The following SH3GL3 variants were observed in gnomAD, a reference collection of about 807,000 sequenced individuals.
The protein encoded by SH3GL3 is endophilin-A3.
SH3GL3 carries 33 observed loss-of-function variants against 47.7 expected under a neutral mutation model. The ratio of observed to expected loss-of-function variants is 0.69; its 90% confidence interval spans 0.52 to 0.92. The LOEUF is 0.92. SH3GL3 is among the 40% of genes least tolerant of loss of function. The probability of loss-of-function intolerance (pLI) is 0.00; values close to 1 mark genes in which losing one functional copy is unlikely to be tolerated. For synonymous variants in SH3GL3, 155 were observed against 148.8 expected (o/e 1.04, Z -0.30); for missense variants, 363 against 417.8 (o/e 0.87, Z 1.14).
chr15:83,614,687 C>T (rs953461597), intron 8 of SH3GL3, among the ~76,000 whole-genome samples: 18 of 152,184 alleles, frequency 1.2e-4, no homozygotes, highest in African/African-American at 4.3e-4. Context: ...AGGAAGGCAA[C>T]AGGAAGCCAC....
chr15:83,473,319 G>A (rs935786707), intron 1 of SH3GL3, among the ~76,000 whole-genome samples: 3 of 152,016 alleles, frequency 2.0e-5, no homozygotes, highest in Non-Finnish European at 4.4e-5. Context: ...AGGGCTATTG[G>A]TTACCTCATT....
chr15:83,615,798 A>G (rs1378506930), intron 8 of SH3GL3, among the ~76,000 whole-genome samples: 8 of 152,228 alleles, frequency 5.3e-5, no homozygotes, highest in Admixed American at 5.2e-4. Flanking sequence ...GTATGTTGTT[A>G]TGACTGCATA....
chr15:83,520,806 C>T (rs1300031951), intron 1 of SH3GL3, among the ~76,000 whole-genome samples: 4 of 152,064 alleles, frequency 2.6e-5, no homozygotes, highest in Admixed American at 2.6e-4. Context: ...TCTTACCTCT[C>T]CCACCCACCC....
chr15:83,626,865 C>G, the SH3GL3 span, among the ~76,000 whole-genome samples: 2 of 152,150 alleles, frequency 1.3e-5, no homozygotes, highest in African/African-American at 4.8e-5. Flanking sequence ...AATTTTTACT[C>G]CCGCTATTGT....
intron 1 of SH3GL3, among the ~76,000 whole-genome samples, chr15:83,512,457 A>C (rs1434589861): frequency 6.6e-6 from 1 of 151,986 alleles, no homozygotes; most frequent in Non-Finnish European, 1.5e-5. Context: ...TTCCCAAAGA[A>C]TTTGCTTTTG....
chr15:83,459,309 C>G (rs2040156497), intron 1 of SH3GL3, among the ~76,000 whole-genome samples: 1 of 152,216 alleles, frequency 6.6e-6, no homozygotes, highest in Non-Finnish European at 1.5e-5. Flanking sequence ...AACACCCTTA[C>G]AGACACACCC....
chr15:83,469,552 C>T (rs113498206), intron 1 of SH3GL3, among the ~76,000 whole-genome samples: 93 of 152,292 alleles, frequency 6.1e-4, no homozygotes, highest in African/African-American at 2.0e-3. Flanking sequence ...GTATTTTTGA[C>T]TTCCCTTCAG....
intron 1 of SH3GL3, among the ~76,000 whole-genome samples, chr15:83,538,197 C>T (rs1431687851): frequency 6.6e-6 from 1 of 152,060 alleles, no homozygotes; most frequent in East Asian, 1.9e-4. Flanking sequence ...CTTCCAGATG[C>T]GGATTGTCAG....
chr15:83,581,272 G>A (rs1053534089), intron 6 of SH3GL3, among the ~76,000 whole-genome samples: 2 of 152,228 alleles, frequency 1.3e-5, no homozygotes, highest in African/African-American at 2.4e-5. Flanking sequence ...CATTTGCAGG[G>A]ATTTCCAGGG....
chr15:83,556,722 G>A (rs1399997302), intron 1 of SH3GL3, among the ~76,000 whole-genome samples: 1 of 152,084 alleles, frequency 6.6e-6, no homozygotes, highest in African/African-American at 2.4e-5. Flanking sequence ...AAAACACAGC[G>A]ACTTAAGACA....
In SH3GL3 at chr15:83,587,005, C is replaced by A; in HGVS notation, c.647C>A (p.Ala216Asp). 6.2e-7 allele frequency: 1 copy of A among 1,607,396 alleles called. No homozygotes were observed. The highest frequency in any genetic ancestry group is 8.5e-7 in the Non-Finnish European group (1 of 1,176,698). Residue 216 changes from alanine to aspartate, a missense_variant, in exon 7 of 9, where the codon GCT (alanine) becomes GAT (aspartate). Transcript: ENST00000427482. ...CAGGTAGAACAAGTCAGCCAGTTGG[C>A]TGTGTTCATAGAGGCAGCATTAGAC... ...ENDVEQVSQLAVFIEAALDYH... is the reference protein window; with the variant it reads ...ENDVEQVSQLDVFIEAALDYH...
intron 8 of SH3GL3, among the ~76,000 whole-genome samples, chr15:83,612,614 G>A (rs1457260861): frequency 2.0e-5 from 3 of 152,180 alleles, no homozygotes; most frequent in South Asian, 2.1e-4. Context: ...GCCTTCTCCC[G>A]GGATTTCTGT....
intron 1 of SH3GL3, among the ~76,000 whole-genome samples, chr15:83,485,989 A>G (rs1261658807): frequency 6.6e-6 from 1 of 152,216 alleles, no homozygotes; most frequent in Non-Finnish European, 1.5e-5. Flanking sequence ...TTAACAGACC[A>G]CGTAACATTT....
chr15:83,450,567 G>T (rs1006687099), intron 1 of SH3GL3, among the ~76,000 whole-genome samples: 1 of 151,734 alleles, frequency 6.6e-6, no homozygotes, highest in African/African-American at 2.4e-5. Flanking sequence ...TAAACCCTGG[G>T]GATTATGCAT....
At chr15:83,487,386 T>C (rs1717426569) in intron 1 of SH3GL3, among the ~76,000 whole-genome samples, 1 of 152,122 alleles carries the variant, frequency 6.6e-6, no homozygotes, top group African/African-American at 2.4e-5. Flanking sequence ...ATGTTTTTAT[T>C]TTCTCTGCAG....
chr15:83,610,040 G>T (rs978808561), intron 8 of SH3GL3, among the ~76,000 whole-genome samples: 1 of 152,232 alleles, frequency 6.6e-6, no homozygotes, highest in South Asian at 2.1e-4. Flanking sequence ...GTGCCTGGAA[G>T]TTATCCCTCA....
At chr15:83,559,070 A>T (rs922199405) in intron 1 of SH3GL3, among the ~76,000 whole-genome samples, 183 bp from the exon 2 acceptor site, 4 of 152,242 alleles carry the variant, frequency 2.6e-5, no homozygotes, top group African/African-American at 9.6e-5. Context: ...ACTGCATGAG[A>T]AATGTATGTC....
At chr15:83,537,875 A>T (rs1330571616) in intron 1 of SH3GL3, among the ~76,000 whole-genome samples, 1 of 152,114 alleles carries the variant, frequency 6.6e-6, no homozygotes, top group East Asian at 1.9e-4. Flanking sequence ...TGTTATGGAT[A>T]TGCCTCTCTC....
At chr15:83,563,809 T>C (rs1449584732) in intron 2 of SH3GL3, among the ~76,000 whole-genome samples, 1 of 152,120 alleles carries the variant, frequency 6.6e-6, no homozygotes, top group African/African-American at 2.4e-5. Context: ...CGGCTAATTT[T>C]TGCATTTTTG....
Sources: allele counts gnomAD v4.1 joint callset (sites outside exome capture counted in the v4.1 genomes callset), GRCh38; gene constraint gnomAD v4.1.1; transcripts MANE v1.5; gene names NCBI Gene and HGNC (gene_info 2026-07-23, HGNC 2026-07-21).